The following RAB33A variants were observed in gnomAD, a reference collection of about 807,000 sequenced individuals.
The protein encoded by RAB33A is RAB33A, member RAS oncogene family.
Under a neutral mutation model 12.0 loss-of-function variants are expected in RAB33A, and 6 were observed. The ratio of observed to expected loss-of-function variants is 0.50; its 90% CI spans 0.27 to 0.99. The LOEUF is 0.99. Ranked by LOEUF, RAB33A falls within the 50% of genes least tolerant of loss-of-function variation. The probability of loss-of-function intolerance (pLI) is 0.11; values close to 1 mark genes in which losing one functional copy is unlikely to be tolerated. For missense variants in RAB33A, 109 were observed against 192.0 expected, an observed-to-expected ratio of 0.57 and a Z score of 2.55; for synonymous variants, 70 against 82.4, an observed-to-expected ratio of 0.85 and a Z score of 0.81.
At chrX:130,159,406 C>T in the RAB33A span, among the ~76,000 whole-genome samples, 1 of 111,592 alleles carries the variant, frequency 9.0e-6, no homozygotes, top group East Asian at 2.8e-4. Flanking sequence ...AAAACGTGAG[C>T]GGGGCAGAAA....
the RAB33A span, chrX:130,129,334 C>A: frequency 1.5e-4 from 66 of 430,719 alleles, no homozygotes; most frequent in Non-Finnish European, 2.6e-4. Context: ...CACCTTCACC[C>A]ACCTGCCCCC....
the RAB33A span, chrX:130,131,841 G>A: frequency 2.5e-6 from 3 of 1,200,705 alleles, no homozygotes; most frequent in Non-Finnish European, 3.4e-6. Context: ...GGACTGTAAG[G>A]AATGACACGG....
chrX:130,122,302 C>G, the RAB33A span, among the ~76,000 whole-genome samples: 1 of 112,980 alleles, frequency 8.9e-6, no homozygotes, highest in Admixed American at 9.3e-5. Context: ...AGGCTTCAAG[C>G]TAGAGGAGCC....
At chrX:130,167,893 C>A, upstream of RAB33A, among the ~76,000 whole-genome samples, 1 of 106,087 alleles carries the variant, frequency 9.4e-6, no homozygotes. Context: ...AATGAAATTA[C>A]AGGGCCGGGT....
the RAB33A span, among the ~76,000 whole-genome samples, chrX:130,163,032 G>T: frequency 2.7e-5 from 3 of 111,725 alleles, no homozygotes; most frequent in Non-Finnish European, 5.6e-5. Context: ...AGATGTCAAC[G>T]AGATAGTTGC....
chrX:130,137,321 A>G, the RAB33A span: 1 of 1,179,557 alleles, frequency 8.5e-7, no homozygotes, highest in South Asian at 1.9e-5. Context: ...GCGCCCACTT[A>G]CAGGACAGTG....
the RAB33A span, chrX:130,129,640 A>G: frequency 5.0e-6 from 6 of 1,201,422 alleles, no homozygotes; most frequent in Non-Finnish European, 6.8e-6. Context: ...TGAGGGAGAG[A>G]GAGTAACAAT....
intron 1 of RAB33A, among the ~76,000 whole-genome samples, chrX:130,179,601 C>G (rs1265960528): frequency 9.2e-6 from 1 of 108,607 alleles, no homozygotes; most frequent in Admixed American, 1.0e-4. Context: ...GTTCGGAACA[C>G]CACGGAGAGG....
At chrX:130,140,956 A>G in the RAB33A span, among the ~76,000 whole-genome samples, 23 of 112,125 alleles carry the variant, frequency 2.1e-4, no homozygotes, top group Admixed American at 1.9e-4. Context: ...TCTCTACTAA[A>G]AATACAAAAA....
At chrX:130,150,110 T>C in the RAB33A span, among the ~76,000 whole-genome samples, 3 of 111,234 alleles carry the variant, frequency 2.7e-5, no homozygotes, top group Admixed American at 2.9e-4. Flanking sequence ...CTCAATGGTC[T>C]ATCCTTTTCT....
At chrX:130,153,352 CAAAAAAAA>C in the RAB33A span, among the ~76,000 whole-genome samples, 2 of 42,860 alleles carry the variant, frequency 4.7e-5, no homozygotes, top group Non-Finnish European at 8.0e-5. Context: ...GACTCCGTTT[CAAAAAAAA>C]AAAAAAAAAA....
At chrX:130,176,170 G>A (rs1771666756) in intron 1 of RAB33A, among the ~76,000 whole-genome samples, 1 of 111,745 alleles carries the variant, frequency 8.9e-6, no homozygotes, top group Admixed American at 9.5e-5. Context: ...CAAAGGAAGA[G>A]TGGAGCTTCC....
chrX:130,140,653 G>A, the RAB33A span: 39 of 1,057,410 alleles, frequency 3.7e-5, no homozygotes, highest in Non-Finnish European at 5.0e-5. Context: ...AAGAGGTAGA[G>A]ATGAATTAGC....
the RAB33A span, chrX:130,130,021 G>A: frequency 5.8e-6 from 7 of 1,209,533 alleles, no homozygotes; most frequent in African/African-American, 1.8e-5. Flanking sequence ...CAATCCCCAC[G>A]ACCACTTTGT....
At chrX:130,150,977 C>CAA in the RAB33A span, among the ~76,000 whole-genome samples, 53 of 27,789 alleles carry the variant, frequency 1.9e-3, no homozygotes, top group East Asian at 0.036. Context: ...GACTCTGTCT[C>CAA]AAAAAAAAAA....
At chrX:130,120,864 C>T in the RAB33A span, among the ~76,000 whole-genome samples, 1 of 113,442 alleles carries the variant, frequency 8.8e-6, no homozygotes, top group South Asian at 3.5e-4. Context: ...CCGGGCGCCT[C>T]TGCAGCGCCA....
the RAB33A span, chrX:130,130,282 T>A: frequency 1.2e-6 from 1 of 845,824 alleles, no homozygotes; most frequent in African/African-American, 2.0e-5. Flanking sequence ...AAGCTACTTC[T>A]AGAGGATTTA....
At chrX:130,155,851 G>A in the RAB33A span, among the ~76,000 whole-genome samples, 1 of 111,481 alleles carries the variant, frequency 9.0e-6, no homozygotes, top group Non-Finnish European at 1.9e-5. Flanking sequence ...TAAGCTGATC[G>A]GAGTTCATTT....
At chrX:130,179,306 A>G (rs949562408) in intron 1 of RAB33A, among the ~76,000 whole-genome samples, 1 of 112,020 alleles carries the variant, frequency 8.9e-6, no homozygotes, top group Non-Finnish European at 1.9e-5. Context: ...GAAAAGCCAA[A>G]TGGCCAACCT....
Sources: gnomAD v4.1 joint callset for allele counts (sites outside exome capture counted in the v4.1 genomes callset) on GRCh38, gnomAD v4.1.1 for gene constraint, MANE v1.5 for transcripts, NCBI Gene and HGNC (gene_info 2026-07-23, HGNC 2026-07-21) for gene names.